The following CLGN variants were observed in gnomAD, a reference collection of about 807,000 sequenced individuals.
The protein encoded by CLGN is calmegin, also known as testis tissue sperm-binding protein Li 79P.
CLGN carries 62 observed loss-of-function variants against 79.1 expected under a neutral mutation model. That is an observed-to-expected ratio of 0.78 (90% CI 0.64 to 0.97). The LOEUF is 0.97. Among genes scored for constraint, CLGN ranks in the 50% least tolerant of loss-of-function variants. The probability of loss-of-function intolerance (pLI) is 0.00; values close to 1 mark genes in which losing one functional copy is unlikely to be tolerated. For synonymous variants in CLGN, 225 were observed against 224.7 expected, an observed-to-expected ratio of 1.00 and a Z score of -0.01; for missense variants, 647 against 715.5, an observed-to-expected ratio of 0.90 and a Z score of 1.09.
At chr4:140,416,131 T>G (rs1729325254) in intron 1 of CLGN, among the ~76,000 whole-genome samples, 1 of 43,092 alleles carries the variant, frequency 2.3e-5, no homozygotes, top group Admixed American at 3.2e-4. Flanking sequence ...AAGGCAGAAA[T>G]AAAGATGTTC....
At chr4:140,420,885 G>A (rs1729457162) in intron 1 of CLGN, among the ~76,000 whole-genome samples, 1 of 152,030 alleles carries the variant, frequency 6.6e-6, no homozygotes, top group Non-Finnish European at 1.5e-5. Context: ...CATTCTCATT[G>A]TTGTACAACT....
intron 5 of CLGN, among the ~76,000 whole-genome samples, chr4:140,404,979 A>G (rs1729072651): frequency 6.6e-6 from 1 of 151,844 alleles, no homozygotes; most frequent in South Asian, 2.1e-4. Flanking sequence ...GGAGGTGGAG[A>G]GGTTGAAAGA....
chr4:140,402,437 A>C (rs181067253), intron 5 of CLGN, among the ~76,000 whole-genome samples: 9 of 152,220 alleles, frequency 5.9e-5, no homozygotes, highest in Non-Finnish European at 1.2e-4. Flanking sequence ...TAAACTAAAA[A>C]AAAATAAAGG....
At chr4:140,408,610 T>G (rs1729151153) in intron 4 of CLGN, among the ~76,000 whole-genome samples, 1 of 151,730 alleles carries the variant, frequency 6.6e-6, no homozygotes, top group Non-Finnish European at 1.5e-5. Flanking sequence ...AAATGCAAAT[T>G]AAAACCACAA....
intron 8 of CLGN, among the ~76,000 whole-genome samples, chr4:140,398,638 TA>T (rs1728939150): frequency 6.6e-6 from 1 of 151,738 alleles, no homozygotes; most frequent in South Asian, 2.1e-4. Context: ...AAATATATAT[TA>T]AAAAATGCAA....
In CLGN at chr4:140,389,461, G is replaced by A. The variant is rs551499532; in HGVS notation, c.1753-157C>T. Among the ~76,000 whole-genome samples the A allele has an allele frequency of 2.6e-4, 40 of 151,820 alleles. 1 individual carries two copies. Among genetic ancestry groups the A allele is most frequent in the Middle Eastern group, 6.8e-3 (2 of 294 alleles). On this transcript the variant is annotated intron_variant, in intron 14 of 14. Coordinates refer to ENST00000325617, the MANE Select transcript of CLGN (RefSeq NM_004362.3). ...AAATAAAGTTATAGTTATTTCTCAA[G>A]GCTATACAAAAATCGATGTATTCCA...
chr4:140,413,348 A>C (rs538331453), intron 1 of CLGN, among the ~76,000 whole-genome samples: 1 of 152,282 alleles, frequency 6.6e-6, no homozygotes, highest in East Asian at 1.9e-4. Flanking sequence ...AGATGGGGGG[A>C]GGAGCCAAGA....
chr4:140,402,257 C>T (rs1729013561), intron 5 of CLGN, among the ~76,000 whole-genome samples, 191 bp from the exon 6 acceptor site: 1 of 151,940 alleles, frequency 6.6e-6, no homozygotes, highest in South Asian at 2.1e-4. Context: ...AAACAAGACA[C>T]ATCATTAAAA....
At chr4:140,399,094 G>T (rs1472009276) in intron 7 of CLGN, 54 bp from the exon 8 acceptor site, 6 of 1,433,784 alleles carry the variant, frequency 4.2e-6, no homozygotes, top group Admixed American at 2.2e-5. Flanking sequence ...ACGCTTTAAA[G>T]ATAATCTTCT....
intron 5 of CLGN, among the ~76,000 whole-genome samples, chr4:140,404,849 GT>G (rs1253653384): frequency 6.6e-6 from 1 of 151,826 alleles, no homozygotes; most frequent in Non-Finnish European, 1.5e-5. Flanking sequence ...TAGAGTCGGG[GT>G]TTTGCCATGT....
chr4:140,412,918 T>G lies in CLGN; in HGVS notation c.144+17A>C, dbSNP rs541079180. 2 of 1,607,176 alleles carry G rather than the reference T, an allele frequency of 1.2e-6. No homozygotes were observed. Among genetic ancestry groups the G allele is most frequent in the Non-Finnish European group, 1.7e-6 (2 of 1,175,066 alleles). On this transcript the variant is annotated intron_variant, in intron 2 of 14. Transcript: ENST00000325617. The stretch of plus-strand genomic sequence containing the variant: ...ATGTAAAGGAATAATTTATAACCCA[T>G]TTCTCAATAACCATACCTCTGAGGA...
intron 13 of CLGN, among the ~76,000 whole-genome samples, chr4:140,391,620 G>A (rs1728774839): frequency 6.6e-6 from 1 of 151,794 alleles, no homozygotes; most frequent in Non-Finnish European, 1.5e-5. Context: ...TTGGGACACT[G>A]GGCAAATCAA....
At chr4:140,404,815 T>A (rs553799002) in intron 5 of CLGN, among the ~76,000 whole-genome samples, 4 of 151,944 alleles carry the variant, frequency 2.6e-5, no homozygotes, top group Non-Finnish European at 5.9e-5. Flanking sequence ...CCACCATGCC[T>A]GGCTAATTTT....
chr4:140,399,036 C>G lies in CLGN; in HGVS notation c.699G>C (p.Met233Ile). Reference protein sequence around the residue: ...DRKTHLYTLVMNPDDTFEVLV... With the variant: ...DRKTHLYTLVINPDDTFEVLV... ...ACACCTCAAATGTGTCATCTGGATT[C>G]ATCACTAAGGGACCAATTTAAATAA... The change falls in exon 8 of 15, where the codon ATG becomes ATC. Residue 233 changes from methionine to isoleucine, a missense_variant. Coordinates refer to ENST00000325617, the MANE Select transcript of CLGN (RefSeq NM_004362.3). 1 of 1,605,478 alleles carries G rather than the reference C, an allele frequency of 6.2e-7. No homozygotes were observed.
At position 140,406,953 on chromosome 4, in the gene CLGN, T is replaced by C. The variant is rs1693966651; in HGVS notation, c.278-870A>G. On this transcript the variant is annotated intron_variant, in intron 4 of 14. Coordinates refer to ENST00000325617, the MANE Select transcript of CLGN (RefSeq NM_004362.3). The stretch of plus-strand genomic sequence containing the variant: ...CAAAACTGGCTATTTTCCAGTATTG[T>C]GTCAACTCAAAATATTCATTAATGA... Among the ~76,000 whole-genome samples, 3 of 152,338 alleles carry C rather than the reference T, an allele frequency of 2.0e-5. No homozygotes were observed. In the South Asian group the frequency reaches 6.2e-4, roughly 32 times the overall value.
rs1209605979 is a variant in CLGN at position 140,396,156 on chromosome 4, C to G, written c.934G>C (p.Ala312Pro). The G allele has an allele frequency of 1.2e-6, 2 of 1,614,178 alleles. No homozygotes were observed. Among genetic ancestry groups the G allele is most frequent in the Admixed American group, 3.3e-5 (2 of 60,024 alleles). Residue 312 changes from alanine to proline, a missense_variant, in exon 9 of 15, where the codon GCT becomes CCT. Transcript: ENST00000325617. Reference protein sequence around the residue: ...QIEDSSVVKPAGWLDDEPKFI... With the variant: ...QIEDSSVVKPPGWLDDEPKFI... ...TTTGGTTCATCATCAAGCCAGCCAG[C>G]AGGTTTAACAACACTTGAATCTTCT... is the stretch of plus-strand genomic sequence containing the variant.
At chr4:140,424,441 G>C (rs1729525004) in intron 1 of CLGN, among the ~76,000 whole-genome samples, 2 of 152,098 alleles carry the variant, frequency 1.3e-5, no homozygotes, top group African/African-American at 4.8e-5. Context: ...GTCTATCCTG[G>C]AGAATGTTCT....
At chr4:140,399,612 T>C (rs749430743) in intron 7 of CLGN, among the ~76,000 whole-genome samples, 13 of 152,188 alleles carry the variant, frequency 8.5e-5, no homozygotes. Flanking sequence ...GGAAAAAGAT[T>C]GAAATACTTT....
intron 5 of CLGN, among the ~76,000 whole-genome samples, chr4:140,404,471 A>G (rs1306000075): frequency 6.6e-6 from 1 of 152,168 alleles, no homozygotes; most frequent in East Asian, 1.9e-4. Context: ...ACAATTTGGG[A>G]AAAGCAGCTT....
Sources: gnomAD v4.1 joint callset for allele counts (sites outside exome capture counted in the v4.1 genomes callset) on GRCh38, gnomAD v4.1.1 for gene constraint, MANE v1.5 for transcripts, NCBI Gene and HGNC (gene_info 2026-07-23, HGNC 2026-07-21) for gene names.